Variants in LRRIQ3 observed in about 807,000 individuals in gnomAD.
The protein encoded by LRRIQ3 is leucine rich repeats and IQ motif containing 3, also known as leucine-rich repeat and IQ domain-containing protein 3.
In LRRIQ3, 75 loss-of-function variants were observed where a neutral mutation model predicts 59.3. The observed-to-expected ratio is 1.26, with a 90% CI of 1.05 to 1.53. The LOEUF (loss-of-function observed/expected upper bound fraction) is 1.53. Ranked by LOEUF, LRRIQ3 falls within the 40% of genes most tolerant of loss-of-function variation. The pLI is 0.00. For synonymous variants in LRRIQ3, 250 were observed against 231.3 expected, an observed-to-expected ratio of 1.08 and a Z score of -0.73; for missense variants, 831 against 710.0, an observed-to-expected ratio of 1.17 and a Z score of -1.94.
At chr1:74,075,780 A>T (rs2100482871) in intron 5 of LRRIQ3, among the ~76,000 whole-genome samples, 1 of 152,250 alleles carries the variant, frequency 6.6e-6, no homozygotes, top group Admixed American at 6.5e-5. Context: ...TCAGGGACAT[A>T]GGCTCTTTCA....
chr1:74,057,883 A>G (rs1654585409), intron 6 of LRRIQ3, among the ~76,000 whole-genome samples: 2 of 152,118 alleles, frequency 1.3e-5, no homozygotes, highest in Admixed American at 1.3e-4. Flanking sequence ...CTAAAAAAAC[A>G]AGCAACCCAA....
At chr1:74,070,422 C>T (rs1252589625) in intron 6 of LRRIQ3, among the ~76,000 whole-genome samples, 1 of 151,836 alleles carries the variant, frequency 6.6e-6, no homozygotes, top group Non-Finnish European at 1.5e-5. Context: ...GGGAGCTAAA[C>T]ATCAAGTACA....
chr1:74,091,870 A>G (rs531945736), intron 5 of LRRIQ3, among the ~76,000 whole-genome samples: 57 of 152,208 alleles, frequency 3.7e-4, no homozygotes, highest in South Asian at 2.1e-3. Flanking sequence ...CCTACTCTGC[A>G]GCAAAGACTT....
At chr1:74,153,578 T>G (rs986980667) in intron 4 of LRRIQ3, among the ~76,000 whole-genome samples, 3 of 152,196 alleles carry the variant, frequency 2.0e-5, no homozygotes, top group Non-Finnish European at 4.4e-5. Flanking sequence ...GAAAGTATTT[T>G]TGAGCACCTA....
chr1:74,134,895 A>C (rs1647096429), intron 4 of LRRIQ3, among the ~76,000 whole-genome samples: 1 of 152,014 alleles, frequency 6.6e-6, no homozygotes, highest in Admixed American at 6.6e-5. Flanking sequence ...AAGTCCAGCT[A>C]TATAAATAAT....
At position 74,084,326 on chromosome 1, in the gene LRRIQ3, C is replaced by T; in HGVS notation, c.868-9536G>A. On this transcript the variant is annotated intron_variant, in intron 5 of 7. Coordinates refer to ENST00000354431, the MANE Select transcript of LRRIQ3 (RefSeq NM_001105659.2). ...CAAACATTACATTTTGCCTGGAGGA[C>T]AGTGAGCTCAAGATTTGCTTTTAGG... 1.2e-5 allele frequency: 14 copies of T among 1,120,842 alleles called. No individual in the cohort carries two copies. The South Asian group carries it at 2.3e-4, about 19-fold the overall frequency. 69.4% of individuals were successfully genotyped at this position (1,120,842 alleles called of 1,614,324 possible).
chr1:74,173,480 T>C (rs1241967868), intron 3 of LRRIQ3, among the ~76,000 whole-genome samples: 1 of 152,076 alleles, frequency 6.6e-6, no homozygotes, highest in Non-Finnish European at 1.5e-5. Flanking sequence ...TTTATACTGC[T>C]ATGCTTTGAT....
chr1:74,029,823 G>A (rs1653642355), intron 7 of LRRIQ3, among the ~76,000 whole-genome samples: 4 of 151,990 alleles, frequency 2.6e-5, no homozygotes, highest in South Asian at 2.1e-4. Context: ...GAATCCATCT[G>A]GTCCTGGACT....
chr1:74,037,969 C>A (rs1182782961), intron 7 of LRRIQ3, among the ~76,000 whole-genome samples: 1 of 152,206 alleles, frequency 6.6e-6, no homozygotes, highest in Non-Finnish European at 1.5e-5. Context: ...ACCAGCACCA[C>A]AGCTGCCGCT....
intron 5 of LRRIQ3, among the ~76,000 whole-genome samples, chr1:74,103,138 G>A (rs1240748221): frequency 6.6e-6 from 1 of 151,914 alleles, no homozygotes; most frequent in Non-Finnish European, 1.5e-5. Context: ...CTTCTTATAT[G>A]AGACCCATTA....
chr1:74,194,082 T>C (rs1022717891), intron 1 of LRRIQ3, among the ~76,000 whole-genome samples: 10 of 152,160 alleles, frequency 6.6e-5, no homozygotes, highest in African/African-American at 1.7e-4. Flanking sequence ...AGAATTGCCA[T>C]GGGCCGGTGC....
intron 1 of LRRIQ3, among the ~76,000 whole-genome samples, chr1:74,190,793 C>T (rs545747607): frequency 6.6e-6 from 1 of 151,766 alleles, no homozygotes; most frequent in Non-Finnish European, 1.5e-5. Flanking sequence ...AAAAATCTTA[C>T]TTATAAAGGA....
intron 6 of LRRIQ3, among the ~76,000 whole-genome samples, chr1:74,055,616 G>T (rs911730031): frequency 3.9e-5 from 6 of 152,034 alleles, no homozygotes; most frequent in Non-Finnish European, 7.4e-5. Context: ...CTGGTTGATG[G>T]ATATTTGATT....
chr1:74,156,483 C>A (rs1472153947), intron 3 of LRRIQ3, among the ~76,000 whole-genome samples: 1 of 152,042 alleles, frequency 6.6e-6, no homozygotes, highest in Non-Finnish European at 1.5e-5. Flanking sequence ...CAATTCTCTA[C>A]ACAAAACATA....
intron 4 of LRRIQ3, among the ~76,000 whole-genome samples, chr1:74,143,279 T>G (rs1393947519): frequency 1.3e-5 from 2 of 152,040 alleles, no homozygotes; most frequent in Admixed American, 1.3e-4. Context: ...AAAATGTTAT[T>G]GATTCTTTAA....
chr1:74,038,707 C>T (rs1261691834), intron 7 of LRRIQ3, among the ~76,000 whole-genome samples: 1 of 152,174 alleles, frequency 6.6e-6, no homozygotes, highest in African/African-American at 2.4e-5. Flanking sequence ...CTCTGGCAAA[C>T]CTCAGCAGCC....
chr1:74,050,804 G>A (rs1386213209), intron 6 of LRRIQ3, among the ~76,000 whole-genome samples: 2 of 152,152 alleles, frequency 1.3e-5, no homozygotes, highest in South Asian at 2.1e-4. Context: ...CTTCTGTCAC[G>A]TACTGAGTTC....
intron 4 of LRRIQ3, among the ~76,000 whole-genome samples, chr1:74,117,665 C>G (rs1342811375): frequency 6.6e-6 from 1 of 152,046 alleles, no homozygotes. Flanking sequence ...ACTCAGGAGG[C>G]TGAGGCAGGA....
At chr1:74,145,039 A>T (rs113295604) in intron 4 of LRRIQ3, among the ~76,000 whole-genome samples, 9 of 152,250 alleles carry the variant, frequency 5.9e-5, no homozygotes, top group African/African-American at 2.2e-4. Context: ...ACAAAAATAG[A>T]TTAATGTACA....
Sources: gnomAD v4.1 joint callset for allele counts (sites outside exome capture counted in the v4.1 genomes callset) on GRCh38, gnomAD v4.1.1 for gene constraint, MANE v1.5 for transcripts, NCBI Gene and HGNC (gene_info 2026-07-23, HGNC 2026-07-21) for gene names.